The following MCPH1 variants were observed in gnomAD, a reference collection of about 807,000 sequenced individuals.
MCPH1 encodes the protein microcephalin.
In MCPH1, 104 loss-of-function variants were observed where a neutral mutation model predicts 84.5. The ratio of observed to expected loss-of-function variants is 1.23; its 90% confidence interval spans 1.05 to 1.45. MCPH1 has a LOEUF of 1.45. MCPH1 is among the 40% of genes most tolerant of loss of function. The pLI, the probability that MCPH1 is intolerant of heterozygous loss-of-function variation, is 0.00. For synonymous variants in MCPH1, 514 were observed against 366.8 expected (o/e 1.40, Z -4.58); for missense variants, 1,498 against 1,005.7 (o/e 1.49, Z -6.62).
At chr8:6,534,109 T>G (rs879361657) in intron 12 of MCPH1, among the ~76,000 whole-genome samples, 2 of 152,138 alleles carry the variant, frequency 1.3e-5, no homozygotes, top group Non-Finnish European at 2.9e-5. Context: ...CCGTGGATAT[T>G]GGATGGGTCA....
chr8:6,541,875 G>T (rs1586504989), intron 12 of MCPH1, among the ~76,000 whole-genome samples: 2 of 152,070 alleles, frequency 1.3e-5, no homozygotes, highest in Non-Finnish European at 2.9e-5. Flanking sequence ...GGACATGGTG[G>T]CTCATGCCTG....
intron 9 of MCPH1, 173 bp from the exon 10 acceptor site, chr8:6,477,421 C>A: frequency 1.6e-6 from 1 of 609,668 alleles, no homozygotes; most frequent in Non-Finnish European, 2.9e-6. Context: ...GAGTTTCTAT[C>A]TCTTGGCCTG....
chr8:6,417,841 C>T (rs1226553603), intron 3 of MCPH1, among the ~76,000 whole-genome samples: 1 of 152,092 alleles, frequency 6.6e-6, no homozygotes, highest in East Asian at 1.9e-4. Context: ...ATTTTTCTGG[C>T]TCTTCATATG....
chr8:6,641,464 A>C (rs770115569), intron 13 of MCPH1, among the ~76,000 whole-genome samples: 2 of 152,252 alleles, frequency 1.3e-5, no homozygotes, highest in Non-Finnish European at 2.9e-5. Flanking sequence ...AAGTCAAGCC[A>C]GGTGTGGTGG....
chr8:6,408,887 T>C (rs968944116), intron 1 of MCPH1, among the ~76,000 whole-genome samples: 35 of 5,662 alleles, frequency 6.2e-3, no homozygotes, highest in Admixed American at 8.9e-3. Flanking sequence ...TGTTTTACTT[T>C]TTTCTTTTTT....
chr8:6,466,242 T>G (rs1435393175), intron 9 of MCPH1, among the ~76,000 whole-genome samples: 1 of 151,572 alleles, frequency 6.6e-6, no homozygotes, highest in East Asian at 2.0e-4. Flanking sequence ...GTTCAAGTGA[T>G]TCTCCTGCCT....
chr8:6,464,888 A>C (rs1335173841), intron 9 of MCPH1, among the ~76,000 whole-genome samples: 1 of 152,062 alleles, frequency 6.6e-6, no homozygotes, highest in Non-Finnish European at 1.5e-5. Flanking sequence ...AGTCCCAGCT[A>C]CTCGGGAGAC....
At chr8:6,472,556 C>A (rs1269984515) in intron 9 of MCPH1, among the ~76,000 whole-genome samples, 12 of 152,120 alleles carry the variant, frequency 7.9e-5, no homozygotes, top group Non-Finnish European at 1.5e-5. Flanking sequence ...ACCTCCGCCT[C>A]CTGGGTTTCA....
intron 13 of MCPH1, among the ~76,000 whole-genome samples, chr8:6,633,479 A>T (rs146608817): frequency 1.5e-4 from 23 of 152,322 alleles, no homozygotes; most frequent in Middle Eastern, 3.4e-3. Flanking sequence ...TTTTAATCTG[A>T]AATGCTCCGA....
At chr8:6,622,207 C>G (rs1020244354) in intron 13 of MCPH1, 2 of 196,612 alleles carry the variant, frequency 1.0e-5, no homozygotes, top group African/African-American at 4.6e-5. Context: ...AAAGTGAGCA[C>G]AGTGTGACCG....
intron 12 of MCPH1, among the ~76,000 whole-genome samples, chr8:6,504,172 G>C (rs575080212): frequency 2.0e-5 from 3 of 152,004 alleles, no homozygotes; most frequent in African/African-American, 7.2e-5. Flanking sequence ...CAAAAAATTA[G>C]CCGGGCGTGG....
chr8:6,421,596 A>G (rs1800209835), intron 3 of MCPH1, among the ~76,000 whole-genome samples: 1 of 152,206 alleles, frequency 6.6e-6, no homozygotes, highest in African/African-American at 2.4e-5. Context: ...ATTATATGAA[A>G]TTCAATTTTA....
intron 12 of MCPH1, among the ~76,000 whole-genome samples, chr8:6,597,911 G>T (rs1235268925): frequency 6.6e-6 from 1 of 152,166 alleles, no homozygotes; most frequent in East Asian, 1.9e-4. Context: ...CAAAGGGAAG[G>T]GCAGAACCCT....
At chr8:6,629,708 A>G (rs1366093384) in intron 13 of MCPH1, among the ~76,000 whole-genome samples, 1 of 152,214 alleles carries the variant, frequency 6.6e-6, no homozygotes, top group East Asian at 1.9e-4. Flanking sequence ...TGGTAGCCTG[A>G]GCAAACTAGT....
intron 9 of MCPH1, among the ~76,000 whole-genome samples, chr8:6,471,141 T>C (rs1807665979): frequency 6.6e-6 from 1 of 152,186 alleles, no homozygotes; most frequent in Admixed American, 6.5e-5. Flanking sequence ...TGACCTTCCT[T>C]GCTCACCTGT....
At chr8:6,619,465 A>G (rs186709868) in intron 12 of MCPH1, among the ~76,000 whole-genome samples, 2 of 148,052 alleles carry the variant, frequency 1.4e-5, no homozygotes, top group East Asian at 4.1e-4. Flanking sequence ...TAGTTTTTGT[A>G]TTTTTAGTAG....
intron 12 of MCPH1, among the ~76,000 whole-genome samples, chr8:6,522,229 C>T (rs971438867): frequency 6.6e-6 from 1 of 152,048 alleles, no homozygotes; most frequent in Non-Finnish European, 1.5e-5. Context: ...GTGGCGGGCG[C>T]CTGTAGTCAC....
intron 11 of MCPH1, among the ~76,000 whole-genome samples, chr8:6,491,025 ATTAAAAT>A (rs1810508646): frequency 6.8e-6 from 1 of 147,070 alleles, no homozygotes; most frequent in Non-Finnish European, 1.5e-5. Flanking sequence ...TTTTTAGAAT[ATTAAAAT>A]TTAAAATTTA....
At chr8:6,517,446 C>T (rs114077658) in intron 12 of MCPH1, among the ~76,000 whole-genome samples, 248 of 152,320 alleles carry the variant, frequency 1.6e-3, no homozygotes, top group African/African-American at 5.5e-3. Flanking sequence ...TGCCATCTTG[C>T]AGTCTCTCTC....
Sources: allele counts gnomAD v4.1 joint callset (sites outside exome capture counted in the v4.1 genomes callset), GRCh38; gene constraint gnomAD v4.1.1; transcripts MANE v1.5; gene names NCBI Gene and HGNC (gene_info 2026-07-23, HGNC 2026-07-21).